SYBU: variants seen among roughly 807,000 people sequenced by gnomAD.
The protein encoded by SYBU is syntabulin, also known as GOLSYN A protein.
SYBU carries 21 observed loss-of-function variants against 35.9 expected under a neutral mutation model. The observed-to-expected ratio is 0.58, with a 90% confidence interval of 0.41 to 0.84. The LOEUF (loss-of-function observed/expected upper bound fraction) is 0.84, where lower values mean the gene tolerates loss of function less well. Among genes scored for constraint, SYBU ranks in the 40% least tolerant of loss-of-function variants. SYBU has a pLI of 0.00. For synonymous variants in SYBU, 319 were observed against 324.3 expected (o/e 0.98, Z 0.18); for missense variants, 768 against 848.2 (o/e 0.91, Z 1.17).
upstream of SYBU, chr8:109,647,475 T>C (rs1217124335): frequency 1.3e-5 from 2 of 152,208 alleles, no homozygotes; most frequent in Non-Finnish European, 2.9e-5. Context: ...ACACTTATTT[T>C]TACCCCCAAG....
At chr8:109,581,619 G>C (rs1002293108) in intron 4 of SYBU, among the ~76,000 whole-genome samples, 2 of 152,182 alleles carry the variant, frequency 1.3e-5, no homozygotes, top group Non-Finnish European at 2.9e-5. Flanking sequence ...AAACAAGATA[G>C]CTTTCATATA....
At chr8:109,690,882 G>C (rs948084749) in intron 1 of SYBU, among the ~76,000 whole-genome samples, 2 of 152,088 alleles carry the variant, frequency 1.3e-5, no homozygotes, top group African/African-American at 4.8e-5. Context: ...TGGGGACTTG[G>C]GACTGTCTCC....
chr8:109,690,679 A>G (rs1160776618), intron 1 of SYBU, among the ~76,000 whole-genome samples: 1 of 152,196 alleles, frequency 6.6e-6, no homozygotes, highest in Admixed American at 6.5e-5. Flanking sequence ...AATTAAGCTC[A>G]CAGATATCTT....
At chr8:109,654,769 A>G (rs571909564) in intron 1 of SYBU, among the ~76,000 whole-genome samples, 2 of 152,310 alleles carry the variant, frequency 1.3e-5, no homozygotes, top group South Asian at 4.1e-4. Flanking sequence ...CCCTAAGTTG[A>G]TAAACAATAT....
chr8:109,625,622 T>C (rs1281699300), intron 2 of SYBU, among the ~76,000 whole-genome samples: 1 of 152,064 alleles, frequency 6.6e-6, no homozygotes, highest in Non-Finnish European at 1.5e-5. Flanking sequence ...GAATCTTGCT[T>C]TGTTGGCCAG....
chr8:109,689,964 T>A (rs1214508552), intron 1 of SYBU, among the ~76,000 whole-genome samples: 2 of 152,132 alleles, frequency 1.3e-5, no homozygotes, highest in Non-Finnish European at 2.9e-5. Context: ...TTGGACCCAT[T>A]TTTTGTTTTT....
intron 1 of SYBU, among the ~76,000 whole-genome samples, chr8:109,688,201 G>C (rs903184701): frequency 6.6e-6 from 1 of 152,102 alleles, no homozygotes; most frequent in Non-Finnish European, 1.5e-5. Context: ...TCATAGGTGG[G>C]CATTATTCCT....
intron 3 of SYBU, among the ~76,000 whole-genome samples, chr8:109,618,217 A>G (rs2130353395): frequency 6.6e-6 from 1 of 152,308 alleles, no homozygotes; most frequent in South Asian, 2.1e-4. Flanking sequence ...CAAAATATTC[A>G]TTTACATAGT....
chr8:109,673,211 T>A (rs996664154), intron 1 of SYBU, among the ~76,000 whole-genome samples: 3 of 151,996 alleles, frequency 2.0e-5, no homozygotes, highest in African/African-American at 7.3e-5. Context: ...CTCAAGTGAG[T>A]TCCTGACCCC....
At chr8:109,645,986 A>G (rs1480567101), upstream of SYBU, 1 of 152,340 alleles carries the variant, frequency 6.6e-6, no homozygotes, top group East Asian at 1.9e-4. Flanking sequence ...CAGATGATCC[A>G]GTCAATATTT....
chr8:109,637,074 C>T (rs1161101990), intron 2 of SYBU, among the ~76,000 whole-genome samples: 1 of 152,214 alleles, frequency 6.6e-6, no homozygotes, highest in South Asian at 2.1e-4. Flanking sequence ...CAAATACACA[C>T]AGACCACAAA....
In SYBU at chr8:109,586,121, T is replaced by C; in HGVS notation, c.469A>G (p.Ile157Val). 1.2e-6 allele frequency: 2 copies of C among 1,611,420 alleles called. No homozygotes were observed. The highest frequency in any genetic ancestry group is 1.7e-6 in the Non-Finnish European group (2 of 1,179,160). Residue 157 changes from isoleucine (I) to valine (V), a missense_variant, in exon 4 of 7, where the codon ATT (isoleucine) becomes GTT (valine). Coordinates refer to ENST00000276646, the MANE Select transcript of SYBU (RefSeq NM_001099754.2). ...GACATATGGACCTCAGGAGCGGAAA[T>C]GCTGCCTGTGCTGCTCGAGGAGCTA... ...DFSSSSSTGS[I>V]SAPEVHMSTA...
intron 3 of SYBU, among the ~76,000 whole-genome samples, chr8:109,616,759 T>A (rs751085698): frequency 1.3e-5 from 2 of 151,902 alleles, no homozygotes; most frequent in Non-Finnish European, 2.9e-5. Context: ...ATCTTCTGAA[T>A]CCCATAGCCT....
rs1312688182 is a variant in SYBU at position 109,644,677 on chromosome 8, G to T, written c.-18C>A. ...GGCCCCATCGCGCCGCTGCCCGCCGGCTCCTCGCGCCGCCGCTGCCGCCGT... is the reference window on the plus strand; with the variant it reads ...GGCCCCATCGCGCCGCTGCCCGCCGTCTCCTCGCGCCGCCGCTGCCGCCGT... On this transcript the variant is annotated 5_prime_UTR_variant, in exon 1 of 7. Coordinates refer to ENST00000276646, the MANE Select transcript of SYBU (RefSeq NM_001099754.2). 2 of 1,511,408 alleles carry T rather than the reference G, an allele frequency of 1.3e-6. No individual in the cohort carries two copies. The highest frequency in any genetic ancestry group is 2.1e-5 in the Admixed American group (1 of 48,086). 93.6% of individuals were successfully genotyped at this position (1,511,408 alleles called of 1,614,324 possible).
At chr8:109,669,269 G>T (rs1000420948) in intron 1 of SYBU, among the ~76,000 whole-genome samples, 94 of 150,064 alleles carry the variant, frequency 6.3e-4, no homozygotes, top group African/African-American at 2.2e-3. Context: ...GTGAGCCCAG[G>T]AGGCGGAGCT....
chr8:109,642,553 A>G (rs148931012), intron 2 of SYBU, among the ~76,000 whole-genome samples, 175 bp downstream of exon 2: 2,034 of 152,374 alleles, frequency 0.013, 22 homozygotes, highest in Admixed American at 0.018. Context: ...AAACTGAACT[A>G]TATGAAACTG....
Position 109,574,745 on chromosome 8 carries a change from C to T in SYBU, c.*161G>A. On this transcript the variant is annotated 3_prime_UTR_variant, in exon 7 of 7. Transcript: ENST00000276646. ...GTCTCCATGCCTTTGAAGATACCTC[C>T]GGTTTTAAACAGTGAACAGGCTTCA... is the stretch of plus-strand genomic sequence containing the variant. 4.3e-6 allele frequency: 3 copies of T among 697,336 alleles called. No homozygotes were observed. Among genetic ancestry groups the T allele is most frequent in the Non-Finnish European group, 6.4e-6 (3 of 466,144 alleles). The allele number at this position is 697,336 out of a possible 1,614,324, so 43.2% of individuals were successfully genotyped here.
intron 2 of SYBU, among the ~76,000 whole-genome samples, chr8:109,627,650 A>T (rs1813135612): frequency 6.6e-6 from 1 of 152,204 alleles, no homozygotes; most frequent in South Asian, 2.1e-4. Flanking sequence ...CACCACCATA[A>T]GCTAGCTGTT....
intron 3 of SYBU, among the ~76,000 whole-genome samples, chr8:109,616,050 C>G (rs1425888216): frequency 1.0e-5 from 1 of 95,244 alleles, no homozygotes; most frequent in African/African-American, 4.9e-5. Context: ...CTCGCTCTGT[C>G]ACCCAGGCTG....
Sources: allele counts gnomAD v4.1 joint callset (sites outside exome capture counted in the v4.1 genomes callset), GRCh38; gene constraint gnomAD v4.1.1; transcripts MANE v1.5; gene names NCBI Gene and HGNC (gene_info 2026-07-23, HGNC 2026-07-21).